RANBP2: variants seen among roughly 807,000 people sequenced by gnomAD.
RANBP2 encodes RAN binding protein 2, also known as E3 SUMO-protein ligase RanBP2.
A neutral mutation model predicts 303.6 loss-of-function variants in RANBP2; 57 were observed. The observed-to-expected ratio is 0.19, with a 90% CI of 0.15 to 0.23. The LOEUF is 0.23. Ranked by LOEUF, RANBP2 falls within the 10% of genes least tolerant of loss-of-function variation. RANBP2 has a pLI of 1.00. For synonymous variants in RANBP2, 1,167 were observed against 1,301.5 expected (o/e 0.90, Z 2.23); for missense variants, 3,138 against 3,780.8 (o/e 0.83, Z 4.46).
the RANBP2 span, among the ~76,000 whole-genome samples, chr2:109,297,937 C>A: frequency 2.8e-4 from 43 of 152,208 alleles, no homozygotes; most frequent in East Asian, 6.8e-3. Flanking sequence ...GTGTTCCCCC[C>A]CCACCACCAG....
the RANBP2 span, among the ~76,000 whole-genome samples, chr2:109,344,131 A>G: frequency 5.9e-5 from 9 of 152,132 alleles, no homozygotes; most frequent in East Asian, 1.9e-4. Context: ...TTAACAGCAT[A>G]TAGAGGGGAC....
chr2:109,434,173 C>A, the RANBP2 span, among the ~76,000 whole-genome samples: 11 of 152,230 alleles, frequency 7.2e-5, no homozygotes, highest in African/African-American at 2.7e-4. Context: ...GACTCCCTGA[C>A]CAGCTGGCAC....
At chr2:108,971,173 T>C in the RANBP2 span, among the ~76,000 whole-genome samples, 1 of 152,188 alleles carries the variant, frequency 6.6e-6, no homozygotes, top group African/African-American at 2.4e-5. Context: ...GCTACATGTT[T>C]TCCGTCTCCA....
At chr2:109,021,976 G>A in the RANBP2 span, among the ~76,000 whole-genome samples, 1 of 152,294 alleles carries the variant, frequency 6.6e-6, no homozygotes, top group East Asian at 1.9e-4. Flanking sequence ...GATGGGCCTT[G>A]GCATGTGGCT....
the RANBP2 span, among the ~76,000 whole-genome samples, chr2:108,925,507 C>T: frequency 2.0e-5 from 3 of 152,224 alleles, no homozygotes; most frequent in Non-Finnish European, 4.4e-5. Flanking sequence ...TTGTCCTGGG[C>T]ACGAGGCACC....
At chr2:108,789,280 T>TC (rs1454997629), downstream of RANBP2, among the ~76,000 whole-genome samples, 2 of 152,206 alleles carry the variant, frequency 1.3e-5, no homozygotes, top group Admixed American at 1.3e-4. Context: ...CTCCCTTTCT[T>TC]TAAAAATTTT....
the RANBP2 span, chr2:109,616,185 C>T: frequency 6.6e-6 from 9 of 1,373,562 alleles, no homozygotes; most frequent in Non-Finnish European, 8.5e-6. Context: ...CTTGAGGGAT[C>T]GGAATGGATG....
the RANBP2 span, chr2:109,419,467 C>G: frequency 6.8e-7 from 1 of 1,466,104 alleles, no homozygotes; most frequent in Non-Finnish European, 9.3e-7. Flanking sequence ...GATGCAGCCT[C>G]ATTTTGCTTT....
At chr2:109,466,813 CTA>C in the RANBP2 span, among the ~76,000 whole-genome samples, 10 of 151,572 alleles carry the variant, frequency 6.6e-5, no homozygotes, top group Non-Finnish European at 1.0e-4. Context: ...GTGTGTATGT[CTA>C]TATGTGTGTA....
the RANBP2 span, among the ~76,000 whole-genome samples, chr2:108,983,547 G>A: frequency 1.3e-5 from 2 of 152,222 alleles, no homozygotes; most frequent in South Asian, 4.1e-4. Flanking sequence ...CAGACATCAA[G>A]TCAACAATCC....
At chr2:108,978,062 G>A in the RANBP2 span, among the ~76,000 whole-genome samples, 6 of 152,082 alleles carry the variant, frequency 3.9e-5, no homozygotes, top group Non-Finnish European at 8.8e-5. Context: ...TCCTTCTCCC[G>A]ACAAATGGCA....
At chr2:108,786,761 G>C, downstream of RANBP2, 1 of 1,460,786 alleles carries the variant, frequency 6.8e-7, no homozygotes, top group Non-Finnish European at 9.4e-7. Flanking sequence ...CACTGCGGCC[G>C]CGTAGCGCCG....
the RANBP2 span, among the ~76,000 whole-genome samples, chr2:108,853,842 TATATATATACTATATATATA>T: frequency 3.0e-5 from 4 of 133,176 alleles, no homozygotes; most frequent in East Asian, 2.0e-4. Flanking sequence ...CTATATGCAA[TATATATATACTATATATATA>T]ATATATATAC....
At chr2:109,748,627 G>A in the RANBP2 span, among the ~76,000 whole-genome samples, 1 of 128,682 alleles carries the variant, frequency 7.8e-6, no homozygotes, top group Non-Finnish European at 1.6e-5. Context: ...AATCCCAGCA[G>A]TTTGGGAGGC....
At chr2:109,306,623 A>C in the RANBP2 span, among the ~76,000 whole-genome samples, 11 of 152,210 alleles carry the variant, frequency 7.2e-5, no homozygotes, top group Admixed American at 2.0e-4. Flanking sequence ...CTGTTATGCA[A>C]GTATCGGAAT....
the RANBP2 span, among the ~76,000 whole-genome samples, chr2:109,576,205 G>A: frequency 1.3e-5 from 2 of 152,268 alleles, no homozygotes; most frequent in South Asian, 4.1e-4. Flanking sequence ...AAGCTGCAGT[G>A]AGCTGTGATT....
chr2:109,720,279 T>TCACA, the RANBP2 span, among the ~76,000 whole-genome samples: 4 of 143,878 alleles, frequency 2.8e-5, no homozygotes, highest in Admixed American at 1.4e-4. Flanking sequence ...ACACATACAC[T>TCACA]CACACACACA....
chr2:109,146,491 T>G, the RANBP2 span, among the ~76,000 whole-genome samples: 1 of 152,136 alleles, frequency 6.6e-6, no homozygotes, highest in African/African-American at 2.4e-5. Flanking sequence ...GTCCTGTGAA[T>G]GTTCAATGGC....
the RANBP2 span, chr2:109,490,454 G>A: frequency 1.6e-6 from 1 of 640,382 alleles, no homozygotes. Context: ...TCTGGCTACT[G>A]CTGTTGCTGT....
Sources: gnomAD v4.1 joint callset for allele counts (sites outside exome capture counted in the v4.1 genomes callset) on GRCh38, gnomAD v4.1.1 for gene constraint, MANE v1.5 for transcripts, NCBI Gene and HGNC (gene_info 2026-07-23, HGNC 2026-07-21) for gene names.